TSHZ2: variants seen among roughly 807,000 people sequenced by gnomAD.
TSHZ2 encodes teashirt zinc finger homeobox 2, also known as teashirt homolog 2.
A neutral mutation model predicts 74.4 loss-of-function variants in TSHZ2; 21 were observed. That is an observed-to-expected ratio of 0.28 (90% confidence interval 0.20 to 0.41). TSHZ2 has a LOEUF of 0.41. Among genes scored for constraint, TSHZ2 ranks in the 10% least tolerant of loss-of-function variants. The pLI is 1.00. For synonymous variants in TSHZ2, 540 were observed against 515.3 expected (o/e 1.05, Z -0.65); for missense variants, 1,244 against 1,293.5 (o/e 0.96, Z 0.59).
At chr20:53,125,400 G>A (rs774107494) in intron 1 of TSHZ2, among the ~76,000 whole-genome samples, 2 of 152,150 alleles carry the variant, frequency 1.3e-5, no homozygotes, top group Non-Finnish European at 1.5e-5. Flanking sequence ...AATAGTAAAA[G>A]GATGAGTCTC....
intron 2 of TSHZ2, among the ~76,000 whole-genome samples, chr20:53,297,111 C>T (rs904283869): frequency 2.0e-5 from 3 of 151,916 alleles, no homozygotes; most frequent in African/African-American, 7.3e-5. Flanking sequence ...TTATTATAGT[C>T]TTGTAATCTC....
chr20:53,220,078 A>C (rs534686987), intron 1 of TSHZ2, among the ~76,000 whole-genome samples: 1 of 152,348 alleles, frequency 6.6e-6, no homozygotes, highest in East Asian at 1.9e-4. Context: ...TCTGAAATGA[A>C]GAACAATGAG....
chr20:52,979,693 C>T (rs1369184214), intron 1 of TSHZ2, among the ~76,000 whole-genome samples: 2 of 149,920 alleles, frequency 1.3e-5, no homozygotes, highest in East Asian at 3.9e-4. Context: ...TTTACGTTTC[C>T]CCTGTAGAAA....
Position 53,231,239 on chromosome 20 carries a change from G to C in TSHZ2, c.41-22260G>C, listed in dbSNP as rs1167679747. Among the ~76,000 whole-genome samples, 3 of 152,200 alleles carry C rather than the reference G, an allele frequency of 2.0e-5. No homozygotes were observed. The East Asian group carries it at 5.8e-4, about 29-fold the overall frequency. ...GGATATCATTCATATTGTGACGGGA[G>C]ACAGAATATAGGGCATTCTTGACAT... is the stretch of plus-strand genomic sequence containing the variant. On this transcript the variant is annotated intron_variant, in intron 1 of 2. Coordinates refer to ENST00000371497, the MANE Select transcript of TSHZ2 (RefSeq NM_173485.6).
At position 53,016,764 on chromosome 20, in the gene TSHZ2, C is replaced by T. The variant is rs561003714; in HGVS notation, c.40+43431C>T. Among the ~76,000 whole-genome samples, 8 of 152,258 alleles carry T rather than the reference C, an allele frequency of 5.3e-5. No individual in the cohort carries two copies. The South Asian group carries it at 1.0e-3, about 20-fold the overall frequency. ...AGTCACAGTGACTTAACACATCAAA[C>T]GTTGACTTTCTATTCACGCTACTCA... is the stretch of plus-strand genomic sequence containing the variant. On this transcript the variant is annotated intron_variant, in intron 1 of 2. Transcript: ENST00000371497.
chr20:53,379,148 G>A lies in TSHZ2; in HGVS notation c.*9-107996G>A, dbSNP rs372535887. On this transcript the variant is annotated intron_variant, in intron 2 of 2. Transcript: ENST00000371497. ...TGTAATCCCGGCACTTTGGGAGGCC[G>A]AGGTGGGTGAATGGCTTGAGCCCAA... 8.5e-5 allele frequency among the ~76,000 whole-genome samples: 13 copies of A among 152,324 alleles called. No individual in the cohort carries two copies. The South Asian group carries it at 1.5e-3, about 17-fold the overall frequency.
At chr20:53,095,893 G>A (rs892743111) in intron 1 of TSHZ2, among the ~76,000 whole-genome samples, 3 of 152,096 alleles carry the variant, frequency 2.0e-5, no homozygotes, top group Admixed American at 1.3e-4. Flanking sequence ...AATTCACCAG[G>A]GAAATAATAC....
intron 2 of TSHZ2, among the ~76,000 whole-genome samples, chr20:53,362,221 G>T (rs867144679): frequency 1.1e-4 from 16 of 145,080 alleles, no homozygotes; most frequent in African/African-American, 4.1e-4. Flanking sequence ...GTCTCGCTCT[G>T]TTGCCCAGGC....
At chr20:53,275,830 G>A (rs1257703630) in intron 2 of TSHZ2, among the ~76,000 whole-genome samples, 2 of 152,176 alleles carry the variant, frequency 1.3e-5, no homozygotes, top group Non-Finnish European at 2.9e-5. Context: ...AGGAGACTGA[G>A]GCAGGAGAAT....
chr20:52,988,789 C>G (rs964450899), intron 1 of TSHZ2, among the ~76,000 whole-genome samples: 1 of 152,084 alleles, frequency 6.6e-6, no homozygotes, highest in Admixed American at 6.5e-5. Context: ...CCATCTGGGG[C>G]GTCTCAGTAA....
At chr20:53,044,941 GCCTCGAGTGAT>G (rs1984173172) in intron 1 of TSHZ2, among the ~76,000 whole-genome samples, 1 of 152,068 alleles carries the variant, frequency 6.6e-6, no homozygotes, top group South Asian at 2.1e-4. Flanking sequence ...TGAACTCCTG[GCCTCGAGTGAT>G]CCTCCCAGAG....
At position 53,074,639 on chromosome 20, in the gene TSHZ2, G is replaced by A. The variant is rs1985310637; in HGVS notation, c.40+101306G>A. On this transcript the variant is annotated intron_variant, in intron 1 of 2. Transcript: ENST00000371497. This position sits in a 1 kb window ranked among gnomAD's most constrained non-coding sequence, Gnocchi z 5.9. ...TGAGTTTCAGGGACTCATAATAAAGGACTATTCAGATTAAGAAAAGGCTAC... is the reference window on the plus strand; with the variant it reads ...TGAGTTTCAGGGACTCATAATAAAGAACTATTCAGATTAAGAAAAGGCTAC... Among the ~76,000 whole-genome samples, 1 of 152,102 alleles carries A rather than the reference G, an allele frequency of 6.6e-6. No individual in the cohort carries two copies. Among genetic ancestry groups the A allele is most frequent in the Non-Finnish European group, 1.5e-5 (1 of 68,012 alleles).
At chr20:53,398,183 T>C (rs1600607112) in intron 2 of TSHZ2, 2 of 152,026 alleles carry the variant, frequency 1.3e-5, no homozygotes, top group African/African-American at 4.8e-5. Flanking sequence ...CCTCAGCACA[T>C]CCAGGAAGAC....
At chr20:53,250,629 A>G (rs552637799) in intron 1 of TSHZ2, among the ~76,000 whole-genome samples, 5 of 152,326 alleles carry the variant, frequency 3.3e-5, no homozygotes, top group Admixed American at 2.6e-4. Context: ...AGAGGAAAAC[A>G]GACAAAAAGG....
chr20:52,980,229 C>G (rs1468746107), intron 1 of TSHZ2, among the ~76,000 whole-genome samples: 1 of 152,182 alleles, frequency 6.6e-6, no homozygotes, highest in African/African-American at 2.4e-5. Flanking sequence ...AAGAAGACAA[C>G]AGCATTGCGT....
rs1328415223 is a variant in TSHZ2, at chr20:53,256,280, AC to A, written c.2823del (p.Tyr941Ter). ...CASQFRTPSTYISHLESHLGF... is the reference protein window; with the variant it reads ...CASQFRTPSTXISHLESHLGF... ...TCCCAGTTCAGAACCCCTTCTACCT[AC>A]ATCAGTCACTTAGAATCTCACCTGG... On this transcript the variant is annotated frameshift_variant, in exon 2 of 3. Transcript: ENST00000371497. LOFTEE classifies it high-confidence loss of function. This position sits in a 1 kb window ranked among gnomAD's most constrained non-coding sequence, Gnocchi z 4.3. The A allele has an allele frequency of 6.2e-7, 1 of 1,614,050 alleles. No individual in the cohort carries two copies. Among genetic ancestry groups the A allele is most frequent in the Non-Finnish European group, 8.5e-7 (1 of 1,180,010 alleles).
At chr20:53,080,416 A>G (rs1985495937) in intron 1 of TSHZ2, among the ~76,000 whole-genome samples, 1 of 152,210 alleles carries the variant, frequency 6.6e-6, no homozygotes, top group Admixed American at 6.5e-5. Context: ...CATTTAACAA[A>G]TGCATTGAAT....
chr20:53,051,505 G>A (rs1402030671), intron 1 of TSHZ2, among the ~76,000 whole-genome samples: 1 of 131,744 alleles, frequency 7.6e-6, no homozygotes, highest in Non-Finnish European at 1.7e-5. Flanking sequence ...AATTCAGGTG[G>A]ATTTGCACTG....
chr20:53,034,829 G>T (rs182553860), intron 1 of TSHZ2, among the ~76,000 whole-genome samples: 1 of 152,324 alleles, frequency 6.6e-6, no homozygotes, highest in African/African-American at 2.4e-5. Flanking sequence ...ACTCCTGCAG[G>T]ATCTTATAGG....
Sources: gnomAD v4.1 joint callset for allele counts (sites outside exome capture counted in the v4.1 genomes callset) on GRCh38, gnomAD v4.1.1 for gene constraint, Gnocchi (gnomAD v3.1) non-coding constraint, MANE v1.5 for transcripts, NCBI Gene and HGNC (gene_info 2026-07-23, HGNC 2026-07-21) for gene names.